PDPR: variants seen among roughly 807,000 people sequenced by gnomAD.
The protein encoded by PDPR is pyruvate dehydrogenase phosphatase regulatory subunit, mitochondrial.
Under a neutral mutation model 102.2 loss-of-function variants are expected in PDPR, and 50 were observed. The ratio of observed to expected loss-of-function variants is 0.49; its 90% confidence interval spans 0.39 to 0.62. The LOEUF (loss-of-function observed/expected upper bound fraction) is 0.62, where lower values mean the gene tolerates loss of function less well. Ranked by LOEUF, PDPR falls within the 20% of genes least tolerant of loss-of-function variation. PDPR has a pLI of 0.00. For synonymous variants in PDPR, 259 were observed against 406.0 expected, an observed-to-expected ratio of 0.64 and a Z score of 4.35; for missense variants, 625 against 1,098.2, an observed-to-expected ratio of 0.57 and a Z score of 6.09.
chr16:70,130,258 A>G (rs1339464247), intron 6 of PDPR, among the ~76,000 whole-genome samples, 165 bp from the exon 7 acceptor site: 2 of 152,290 alleles, frequency 1.3e-5, no homozygotes, highest in Non-Finnish European at 2.9e-5. Flanking sequence ...ACTACACTCC[A>G]CCCTTGGCGA....
chr16:70,115,642 C>T (rs1312824687), intron 2 of PDPR, among the ~76,000 whole-genome samples: 4 of 152,182 alleles, frequency 2.6e-5, no homozygotes, highest in Admixed American at 2.6e-4. Flanking sequence ...CCACTGTGCG[C>T]AACGCTGCAG....
intron 3 of PDPR, among the ~76,000 whole-genome samples, chr16:70,123,105 T>C (rs1963517351): frequency 6.6e-6 from 1 of 152,106 alleles, no homozygotes; most frequent in South Asian, 2.1e-4. Context: ...TTTCACCATG[T>C]TGGCCAGGCA....
chr16:70,128,117 G>A (rs1340259504), intron 4 of PDPR, among the ~76,000 whole-genome samples: 7 of 152,266 alleles, frequency 4.6e-5, no homozygotes, highest in Non-Finnish European at 1.0e-4. Context: ...GTTATTGTGA[G>A]TGGCCTTTGC....
At chr16:70,129,794 G>GGGTATCATATCCAT (rs1964353720) in intron 6 of PDPR, among the ~76,000 whole-genome samples, 2 of 152,274 alleles carry the variant, frequency 1.3e-5, no homozygotes, top group South Asian at 4.1e-4. Flanking sequence ...CTAGCGTCCA[G>GGGTATCATATCCAT]GGTATCATAT....
At chr16:70,126,342 GC>G (rs1338176631) in intron 3 of PDPR, among the ~76,000 whole-genome samples, 2 of 152,248 alleles carry the variant, frequency 1.3e-5, no homozygotes, top group African/African-American at 4.8e-5. Context: ...TTCCCAAGTA[GC>G]CTGGCTAACT....
At chr16:70,150,760 C>T (rs1307408499) in intron 17 of PDPR, among the ~76,000 whole-genome samples, 1 of 152,226 alleles carries the variant, frequency 6.6e-6, no homozygotes, top group African/African-American at 2.4e-5. Context: ...GATCCTCTCA[C>T]GTCAGCCTCC....
At chr16:70,134,796 A>AT (rs1405468233) in intron 9 of PDPR, among the ~76,000 whole-genome samples, 3 of 149,712 alleles carry the variant, frequency 2.0e-5, no homozygotes, top group African/African-American at 7.3e-5. Context: ...AAAAAAAAAA[A>AT]AAATAATAAT....
chr16:70,154,128 C>T (rs1244062607), intron 18 of PDPR, among the ~76,000 whole-genome samples: 1 of 152,266 alleles, frequency 6.6e-6, no homozygotes, highest in African/African-American at 2.4e-5. Flanking sequence ...TGCACTCCAG[C>T]CTGGGCGACA....
intron 15 of PDPR, chr16:70,145,606 A>C (rs1169126882): frequency 2.6e-6 from 1 of 380,688 alleles, no homozygotes. Flanking sequence ...CAAATATGAT[A>C]TACGTCCTGC....
intron 10 of PDPR, among the ~76,000 whole-genome samples, chr16:70,138,683 C>T (rs1965414458): frequency 1.3e-5 from 2 of 152,254 alleles, no homozygotes; most frequent in South Asian, 2.1e-4. Context: ...CCTAGGGAAT[C>T]TTATCATCTG....
intron 3 of PDPR, among the ~76,000 whole-genome samples, chr16:70,122,867 A>ACACACACACACACACACC (rs1335568650): frequency 6.6e-6 from 1 of 151,158 alleles, no homozygotes; most frequent in Non-Finnish European, 1.5e-5. Context: ...ACACACACAC[A>ACACACACACACACACACC]CCAGTTTAGA....
In PDPR at chr16:70,159,893, A is replaced by G; in HGVS notation, c.*3014A>G. ...AAGGGTTTGCCTTGTGTCTCAGCTC[A>G]TTCTGGGCAGCACGTTTGTCTTCTG... On this transcript the variant is annotated 3_prime_UTR_variant, in exon 19 of 19. Coordinates refer to ENST00000288050, the MANE Select transcript of PDPR (RefSeq NM_017990.5). 6.5e-6 allele frequency: 1 copy of G among 153,130 alleles called. No individual in the cohort carries two copies. The highest frequency in any genetic ancestry group is 1.9e-4 in the East Asian group (1 of 5,208). The allele number at this position is 153,130 out of a possible 1,614,324, so 9.5% of individuals were successfully genotyped here. A position where few individuals can be genotyped will look rare whatever the true frequency, so the allele number is the denominator to read the frequency against.
At chr16:70,129,589 T>A (rs1207516181) in intron 6 of PDPR, among the ~76,000 whole-genome samples, 1 of 152,272 alleles carries the variant, frequency 6.6e-6, no homozygotes, top group Non-Finnish European at 1.5e-5. Context: ...CCTCAGATGA[T>A]CCACCTGCCT....
chr16:70,150,401 G>A (rs1175761836), intron 17 of PDPR, among the ~76,000 whole-genome samples: 13 of 11,268 alleles, frequency 1.2e-3, no homozygotes, highest in African/African-American at 2.7e-3. Context: ...ACCGCACCCG[G>A]GCCCATAGTC....
At chr16:70,136,942 C>A (rs1328794028) in intron 10 of PDPR, among the ~76,000 whole-genome samples, 1 of 152,232 alleles carries the variant, frequency 6.6e-6, no homozygotes, top group African/African-American at 2.4e-5. Context: ...AGGGTTTCAC[C>A]ATGTTAGCCA....
At chr16:70,114,262 C>G (rs947996137), upstream of PDPR, 28 of 152,260 alleles carry the variant, frequency 1.8e-4, no homozygotes, top group African/African-American at 5.8e-4. Context: ...GCCCGGGGGC[C>G]GTAAAGCGCG....
rs549637680 is a variant in PDPR, at chr16:70,122,596, T to C, written c.227+1877T>C. Among the ~76,000 whole-genome samples, 541 of 152,234 alleles carry C rather than the reference T, an allele frequency of 3.6e-3. 1 individual carries two copies. Among genetic ancestry groups the C allele is most frequent in the African/African-American group, 0.012 (506 of 41,448 alleles). On this transcript the variant is annotated intron_variant, in intron 3 of 18. Coordinates refer to ENST00000288050, the MANE Select transcript of PDPR (RefSeq NM_017990.5). ...TCTCTAGCACAGAGACCCTGTTTTC[T>C]CCCCTTGTAATGGGCCAGTGCCCTT...
chr16:70,158,246 T>G lies in PDPR; in HGVS notation c.*1367T>G, dbSNP rs1270972157. 1 of 152,480 alleles carries G rather than the reference T, an allele frequency of 6.6e-6. No homozygotes were observed. The highest frequency in any genetic ancestry group is 1.5e-5 in the Non-Finnish European group (1 of 68,140). 9.4% of individuals were successfully genotyped at this position (152,480 alleles called of 1,614,324 possible). The stretch of plus-strand genomic sequence containing the variant: ...ATGGACTGTTGTCCAGCCTCAATGC[T>G]TCATTTTCCCCTTGCATATCAACTG... On this transcript the variant is annotated 3_prime_UTR_variant, in exon 19 of 19. Transcript: ENST00000288050.
At chr16:70,153,820 G>A (rs1347919436) in intron 18 of PDPR, among the ~76,000 whole-genome samples, 2 of 152,274 alleles carry the variant, frequency 1.3e-5, no homozygotes, top group African/African-American at 4.8e-5. Context: ...TGAGGCGGGT[G>A]GATCACCTGA....
Sources: allele counts gnomAD v4.1 joint callset (sites outside exome capture counted in the v4.1 genomes callset), GRCh38; gene constraint gnomAD v4.1.1; transcripts MANE v1.5; gene names NCBI Gene and HGNC (gene_info 2026-07-23, HGNC 2026-07-21).